Variants in RPN2 observed in about 807,000 individuals in gnomAD.
The protein encoded by RPN2 is ribophorin II, also known as dolichyl-diphosphooligosaccharide--protein glycosyltransferase subunit 2.
Under a neutral mutation model 71.4 loss-of-function variants are expected in RPN2, and 29 were observed. The ratio of observed to expected loss-of-function variants is 0.41; its 90% CI spans 0.30 to 0.55. The LOEUF (loss-of-function observed/expected upper bound fraction) is 0.55. RPN2 is among the 20% of genes least tolerant of loss of function. The pLI, the probability that RPN2 is intolerant of heterozygous loss-of-function variation, is 0.35. For synonymous variants in RPN2, 308 were observed against 305.0 expected (o/e 1.01, Z -0.10); for missense variants, 726 against 774.1 (o/e 0.94, Z 0.74).
At chr20:37,218,258 A>G (rs1014546606) in intron 9 of RPN2, among the ~76,000 whole-genome samples, 1 of 152,076 alleles carries the variant, frequency 6.6e-6, no homozygotes, top group Admixed American at 6.6e-5. Flanking sequence ...CCAAAAATTT[A>G]AAAATAAATT....
chr20:37,190,159 A>G (rs887445994), intron 2 of RPN2, among the ~76,000 whole-genome samples: 1 of 152,212 alleles, frequency 6.6e-6, no homozygotes, highest in African/African-American at 2.4e-5. Context: ...CTCCCACTTC[A>G]TCCAGAGCAT....
At chr20:37,234,198 C>A in intron 15 of RPN2, 103 bp downstream of exon 15, 1 of 1,096,484 alleles carries the variant, frequency 9.1e-7, no homozygotes, top group Non-Finnish European at 1.4e-6. Flanking sequence ...CCTATAATGA[C>A]TTAATAGCAT....
intron 9 of RPN2, among the ~76,000 whole-genome samples, chr20:37,217,655 TG>T (rs374663696): frequency 2.5e-4 from 38 of 151,938 alleles, no homozygotes; most frequent in African/African-American, 9.2e-4. Context: ...AAGGATAGAG[TG>T]GTCTAAAGAT....
chr20:37,233,600 G>C (rs2068307210), intron 14 of RPN2, among the ~76,000 whole-genome samples: 1 of 152,200 alleles, frequency 6.6e-6, no homozygotes, highest in Non-Finnish European at 1.5e-5. Context: ...AATTTCAAAT[G>C]ACATGGAACC....
chr20:37,186,453 T>C (rs943501622), intron 2 of RPN2, among the ~76,000 whole-genome samples: 2 of 152,212 alleles, frequency 1.3e-5, no homozygotes, highest in Non-Finnish European at 2.9e-5. Flanking sequence ...ATCAGACATA[T>C]TGTTGTACTT....
At chr20:37,238,575 C>G (rs996692049) in intron 16 of RPN2, 5 of 749,090 alleles carry the variant, frequency 6.7e-6, no homozygotes, top group Non-Finnish European at 9.6e-6. Flanking sequence ...TAAGCCACAG[C>G]TGAATTCTGA....
intron 16 of RPN2, among the ~76,000 whole-genome samples, chr20:37,238,050 A>G (rs1425594587): frequency 6.6e-6 from 1 of 152,204 alleles, no homozygotes; most frequent in East Asian, 1.9e-4. Context: ...AAAATTAAGA[A>G]AAAAATCAAG....
chr20:37,182,286 G>T (rs1349156854), intron 1 of RPN2, among the ~76,000 whole-genome samples: 1 of 151,794 alleles, frequency 6.6e-6, no homozygotes, highest in Non-Finnish European at 1.5e-5. Context: ...TAGAGACAGG[G>T]TTTCACCATG....
rs759361933 is a variant in RPN2 at position 37,223,914 on chromosome 20, A to G, written c.1129A>G (p.Asn377Asp). ...GATCTCCACTGAAGTTGGCATCACA[A>G]ATGTTGATCTTTCCACCGTGGATAA... is the stretch of plus-strand genomic sequence containing the variant. Reference protein sequence around the residue: ...VKISTEVGITNVDLSTVDKDQ... With the variant: ...VKISTEVGITDVDLSTVDKDQ... The change falls in exon 10 of 17, where the codon AAT (asparagine) becomes GAT (aspartate). Residue 377 changes from asparagine (N) to aspartate (D), a missense_variant. Physicochemically the swap from Asn to Asp is conservative, Grantham distance 23. Transcript: ENST00000237530. 35 of 1,613,988 alleles carry G rather than the reference A, an allele frequency of 2.2e-5. No homozygotes were observed. Among genetic ancestry groups the G allele is most frequent in the Non-Finnish European group, 2.9e-5 (34 of 1,179,992 alleles).
intron 1 of RPN2, among the ~76,000 whole-genome samples, chr20:37,181,465 G>C (rs1297931213): frequency 2.7e-5 from 4 of 148,788 alleles, no homozygotes; most frequent in African/African-American, 9.9e-5. Context: ...AGAGCCCCAG[G>C]CTGGAGTGCA....
intron 9 of RPN2, among the ~76,000 whole-genome samples, chr20:37,220,023 T>G (rs2067912290): frequency 6.6e-6 from 1 of 152,156 alleles, no homozygotes; most frequent in South Asian, 2.1e-4. Context: ...GTTGGAAAAA[T>G]TATCTAAGTA....
chr20:37,229,698 T>C (rs1477092723), intron 12 of RPN2, among the ~76,000 whole-genome samples: 2 of 152,310 alleles, frequency 1.3e-5, no homozygotes, highest in Admixed American at 6.5e-5. Flanking sequence ...TAACAGCCTG[T>C]GTACCAGCTG....
chr20:37,213,709 C>T, intron 8 of RPN2, 51 bp from the exon 9 acceptor site: 1 of 1,369,084 alleles, frequency 7.3e-7, no homozygotes. Context: ...TTTGTTATAT[C>T]CATGACTTTC....
intron 14 of RPN2, among the ~76,000 whole-genome samples, chr20:37,233,084 A>G (rs1254329491): frequency 6.6e-6 from 1 of 151,968 alleles, no homozygotes; most frequent in Non-Finnish European, 1.5e-5. Flanking sequence ...AAAAAAATTA[A>G]TGGTGACGTA....
At chr20:37,225,608 G>A (rs1234463292) in intron 10 of RPN2, 80 bp from the exon 11 acceptor site, 5 of 914,000 alleles carry the variant, frequency 5.5e-6, no homozygotes, top group African/African-American at 1.6e-5. Flanking sequence ...TTGAGGCAAT[G>A]AAGTGAAGTA....
intron 4 of RPN2, among the ~76,000 whole-genome samples, chr20:37,203,608 C>T (rs1333624482): frequency 6.6e-6 from 1 of 152,196 alleles, no homozygotes; most frequent in African/African-American, 2.4e-5. Flanking sequence ...TCCCAAAATG[C>T]TGGGATTACG....
At position 37,228,591 on chromosome 20, in the gene RPN2, GGTGTTT is replaced by G; in HGVS notation, c.1344_1349del (p.Phe449_Val450del). 6.2e-7 allele frequency: 1 copy of G among 1,614,198 alleles called. No individual in the cohort carries two copies. Among genetic ancestry groups the G allele is most frequent in the Non-Finnish European group, 8.5e-7 (1 of 1,180,024 alleles). ...ATAACCAGAAGACTGGCCAGGAAGT[GGTGTTT>G]GTTGCCGAGCCAGACAACAAGAACG... On this transcript the variant is annotated inframe_deletion, in exon 12 of 17. Transcript: ENST00000237530.
chr20:37,198,448 C>G lies in RPN2; in HGVS notation c.259C>G (p.Leu87Val). The change falls in exon 3 of 17, where the codon CTC becomes GTC. Residue 87 changes from leucine (L) to valine (V), a missense_variant. Transcript: ENST00000237530. ...SNLDPSNVDS[L>V]FYAAQASQAL... ...CCTTGATCCCAGCAATGTGGATTCC[C>G]TCTTCTACGCTGCCCAGGCCAGCCA... The G allele has an allele frequency of 6.2e-7, 1 of 1,614,220 alleles. No individual in the cohort carries two copies.
chr20:37,234,203 T>C (rs2068322965), intron 15 of RPN2, 108 bp downstream of exon 15: 3 of 1,047,094 alleles, frequency 2.9e-6, no homozygotes, highest in African/African-American at 1.6e-5. Context: ...AATGACTTAA[T>C]AGCATTACAT....
Sources: allele counts gnomAD v4.1 joint callset (sites outside exome capture counted in the v4.1 genomes callset), GRCh38; gene constraint gnomAD v4.1.1; transcripts MANE v1.5; gene names NCBI Gene and HGNC (gene_info 2026-07-23, HGNC 2026-07-21).